The following CCDC174 variants were observed in gnomAD, a reference collection of about 807,000 sequenced individuals.
CCDC174 encodes the protein coiled-coil domain containing 174, also known as coiled-coil domain-containing protein 174.
In CCDC174, 37 loss-of-function variants were observed where a neutral mutation model predicts 57.1. The observed-to-expected ratio is 0.65, with a 90% CI of 0.50 to 0.85. CCDC174 has a LOEUF of 0.85. Ranked by LOEUF, CCDC174 falls within the 40% of genes least tolerant of loss-of-function variation. The pLI, the probability that CCDC174 is intolerant of heterozygous loss-of-function variation, is 0.00. For synonymous variants in CCDC174, 182 were observed against 190.2 expected, an observed-to-expected ratio of 0.96 and a Z score of 0.35; for missense variants, 540 against 574.3, an observed-to-expected ratio of 0.94 and a Z score of 0.61.
chr3:14,665,977 G>T (rs1188803811), intron 6 of CCDC174, among the ~76,000 whole-genome samples: 2 of 149,280 alleles, frequency 1.3e-5, no homozygotes, highest in Admixed American at 6.7e-5. Flanking sequence ...GGCAGAGCCT[G>T]CAGTGAGCCA....
chr3:14,652,226 A>G (rs2030794805), intron 1 of CCDC174, among the ~76,000 whole-genome samples: 1 of 152,096 alleles, frequency 6.6e-6, no homozygotes, highest in African/African-American at 2.4e-5. Flanking sequence ...GAGGAACCCT[A>G]GCTTCTTTTT....
At chr3:14,664,623 C>T (rs1402923777) in intron 5 of CCDC174, among the ~76,000 whole-genome samples, 2 of 152,146 alleles carry the variant, frequency 1.3e-5, no homozygotes, top group Non-Finnish European at 1.5e-5. Context: ...AATAAAAAGT[C>T]AGACTTGAAG....
At chr3:14,656,279 A>G (rs2030958887) in intron 3 of CCDC174, among the ~76,000 whole-genome samples, 1 of 152,168 alleles carries the variant, frequency 6.6e-6, no homozygotes, top group African/African-American at 2.4e-5. Flanking sequence ...TATTTTATAG[A>G]TTTAAAAAAA....
Position 14,671,246 on chromosome 3 carries a change from C to A in CCDC174, c.*52C>A. 1 of 1,506,190 alleles carries A rather than the reference C, an allele frequency of 6.6e-7. No individual in the cohort carries two copies. The highest frequency in any genetic ancestry group is 9.0e-7 in the Non-Finnish European group (1 of 1,107,362). 93.3% of individuals were successfully genotyped at this position (1,506,190 alleles called of 1,614,324 possible). The stretch of plus-strand genomic sequence containing the variant: ...TGTACTTTGACAGTGCCTTTCTCTC[C>A]CAGAGGGAGAAATAACTTTAGGAAC... On this transcript the variant is annotated 3_prime_UTR_variant, in exon 11 of 11. Transcript: ENST00000383794.
In CCDC174 at chr3:14,651,820, G is replaced by A; in HGVS notation, c.-17G>A. On this transcript the variant is annotated 5_prime_UTR_variant, in exon 1 of 11. Coordinates refer to ENST00000383794, the MANE Select transcript of CCDC174 (RefSeq NM_016474.5). ...GTAGAAAGGGTCCTTCCTGGACCGG[G>A]ACCCTCTGCCACGACCATGGACCGT... 2 of 1,614,098 alleles carry A rather than the reference G, an allele frequency of 1.2e-6. No homozygotes were observed. The highest frequency in any genetic ancestry group is 1.7e-6 in the Non-Finnish European group (2 of 1,179,954).
intron 5 of CCDC174, among the ~76,000 whole-genome samples, chr3:14,662,420 A>G (rs888794689): frequency 7.3e-6 from 1 of 136,924 alleles, no homozygotes; most frequent in Non-Finnish European, 1.5e-5. Context: ...GTAAACTTTT[A>G]TTATTGTCAT....
At position 14,655,511 on chromosome 3, in the gene CCDC174, T is replaced by C; in HGVS notation, c.148-18T>C. On this transcript the variant is annotated intron_variant, in intron 2 of 10. Coordinates refer to ENST00000383794, the MANE Select transcript of CCDC174 (RefSeq NM_016474.5). Reference sequence around the variant, plus strand: ...GCAATCATGTGGTTCTGTTTTGTCTTCTAAAATTATTCTCCAGAAACCAAG... The same window carrying C: ...GCAATCATGTGGTTCTGTTTTGTCTCCTAAAATTATTCTCCAGAAACCAAG... 1.3e-6 allele frequency: 2 copies of C among 1,563,928 alleles called. No homozygotes were observed. The highest frequency in any genetic ancestry group is 1.7e-6 in the Non-Finnish European group (2 of 1,147,494).
chr3:14,653,007 A>G (rs888564071), intron 1 of CCDC174, among the ~76,000 whole-genome samples: 16 of 152,166 alleles, frequency 1.1e-4, no homozygotes, highest in African/African-American at 3.9e-4. Context: ...AAATTGCCCA[A>G]CCTTTGATTT....
At chr3:14,662,157 C>T (rs1030502409) in intron 5 of CCDC174, among the ~76,000 whole-genome samples, 16 of 152,248 alleles carry the variant, frequency 1.1e-4, no homozygotes, top group Admixed American at 9.8e-4. Flanking sequence ...TGTTTTACTC[C>T]GCCTGTGACA....
chr3:14,664,983 A>G (rs752197649), intron 5 of CCDC174, 45 bp from the exon 6 acceptor site: 1 of 1,389,920 alleles, frequency 7.2e-7, no homozygotes, highest in South Asian at 1.2e-5. Flanking sequence ...AGGGGCTTGT[A>G]CATGTGTACA....
chr3:14,651,866 C>T lies in CCDC174; in HGVS notation c.30C>T (p.Val10=), dbSNP rs763542063. The change falls in exon 1 of 11, where the codon GTC becomes GTT. Residue 10 remains valine, a synonymous_variant. Transcript: ENST00000383794. MDRRKKPLD[V]TASSLVDLKA... is the part of the protein sequence containing the mutation. The stretch of plus-strand genomic sequence containing the variant: ...ACCGTAGGAAAAAGCCTTTGGACGT[C>T]ACGGCCTCCTCGGTGAGTGAGGGTA... The T allele has an allele frequency of 9.3e-6, 15 of 1,614,138 alleles. No homozygotes were observed. The Admixed American group carries it at 1.3e-4, about 14-fold the overall frequency.
At chr3:14,666,057 A>G (rs868856323) in intron 6 of CCDC174, among the ~76,000 whole-genome samples, 208 of 88,416 alleles carry the variant, frequency 2.4e-3, no homozygotes, top group South Asian at 8.6e-3. Flanking sequence ...AAAAAAAAAA[A>G]AAAGAAAGAA....
In CCDC174 at chr3:14,667,238, C is replaced by T. The variant is rs757582718; in HGVS notation, c.725-186C>T. On this transcript the variant is annotated intron_variant, in intron 7 of 10. Transcript: ENST00000383794. The stretch of plus-strand genomic sequence containing the variant: ...GTTATGCTTCCCTTGGCAAACAGGA[C>T]GAAAACTTGGTCTAACTTTTGTGTT... 5.1e-5 allele frequency: 32 copies of T among 633,302 alleles called. No homozygotes were observed. The East Asian group carries it at 5.3e-4, about 10-fold the overall frequency. 39.2% of individuals were successfully genotyped at this position (633,302 alleles called of 1,614,324 possible).
chr3:14,658,333 T>C (rs879828669), intron 3 of CCDC174, among the ~76,000 whole-genome samples: 1 of 152,224 alleles, frequency 6.6e-6, no homozygotes, highest in Non-Finnish European at 1.5e-5. Flanking sequence ...AGAGTGGTCA[T>C]TCACAAGAGA....
chr3:14,656,819 A>G (rs559824012), intron 3 of CCDC174, among the ~76,000 whole-genome samples: 12 of 152,352 alleles, frequency 7.9e-5, no homozygotes, highest in African/African-American at 1.9e-4. Context: ...AAAAGACAGC[A>G]TCACCCTCAG....
intron 1 of CCDC174, 78 bp from the exon 2 acceptor site, chr3:14,654,348 T>C: frequency 1.3e-6 from 1 of 762,384 alleles, no homozygotes; most frequent in Non-Finnish European, 2.2e-6. Flanking sequence ...AAATATTCCT[T>C]TGGAAATTAT....
rs757762717 is a variant in CCDC174, at chr3:14,654,547, A to C, written c.147+17A>C. On this transcript the variant is annotated intron_variant, in intron 2 of 10. Coordinates refer to ENST00000383794, the MANE Select transcript of CCDC174 (RefSeq NM_016474.5). ...ACTAACAAGGTAAAAAATAAGATCT[A>C]ATTATCTCCATTGGTTCCAAACATG... 5.0e-6 allele frequency: 6 copies of C among 1,192,234 alleles called. No homozygotes were observed. The East Asian group carries it at 7.0e-5, about 14-fold the overall frequency. The allele number at this position is 1,192,234 out of a possible 1,614,324, so 73.9% of individuals were successfully genotyped here. A position where few individuals can be genotyped will look rare whatever the true frequency, so the allele number is the denominator to read the frequency against.
In CCDC174 at chr3:14,668,178, A is replaced by G. The variant is rs2031403375; in HGVS notation, c.949A>G (p.Arg317Gly). 1 of 1,606,656 alleles carries G rather than the reference A, an allele frequency of 6.2e-7. No homozygotes were observed. The highest frequency in any genetic ancestry group is 1.7e-5 in the Admixed American group (1 of 58,058). ...AGAAGGTGGAACAGAAGAAGAAAAT[A>G]GAGGTATATCATGGCTATGTTGCTG... ...SKEGGTEEEN[R>G]DGDVIGPLPP... The change falls in exon 9 of 11, where the codon AGA becomes GGA. Residue 317 changes from arginine (R) to glycine (G), a missense_variant. By Grantham distance (125) the Arg-to-Gly change is moderately radical. Transcript: ENST00000383794.
At chr3:14,666,033 G>A (rs1284153704) in intron 6 of CCDC174, among the ~76,000 whole-genome samples, 6 of 78,448 alleles carry the variant, frequency 7.6e-5, no homozygotes, top group East Asian at 3.1e-4. Context: ...GCGAGACTCC[G>A]TCTCAAAAAA....
Sources: allele counts gnomAD v4.1 joint callset (sites outside exome capture counted in the v4.1 genomes callset), GRCh38; gene constraint gnomAD v4.1.1; transcripts MANE v1.5; gene names NCBI Gene and HGNC (gene_info 2026-07-23, HGNC 2026-07-21).